Variants in AGBL4 observed in about 807,000 individuals in gnomAD.
AGBL4 encodes the protein cytosolic carboxypeptidase 6.
Under a neutral mutation model 66.4 loss-of-function variants are expected in AGBL4, and 58 were observed. The ratio of observed to expected loss-of-function variants is 0.87; its 90% CI spans 0.71 to 1.09. AGBL4 has a LOEUF of 1.09. Ranked by LOEUF, AGBL4 falls within the 50% of genes least tolerant of loss-of-function variation. The probability of loss-of-function intolerance (pLI) is 0.00; values close to 1 mark genes in which losing one functional copy is unlikely to be tolerated. For missense variants in AGBL4, 579 were observed against 631.0 expected (o/e 0.92, Z 0.88); for synonymous variants, 234 against 222.9 (o/e 1.05, Z -0.44).
At chr1:49,878,615 G>T (rs1464905957) in intron 1 of AGBL4, among the ~76,000 whole-genome samples, 1 of 152,080 alleles carries the variant, frequency 6.6e-6, no homozygotes, top group Non-Finnish European at 1.5e-5. Context: ...GTGGTGTGCT[G>T]CTGAAAAAAA....
intron 2 of AGBL4, among the ~76,000 whole-genome samples, chr1:49,804,413 A>G (rs1644931570): frequency 6.6e-6 from 1 of 152,180 alleles, no homozygotes; most frequent in African/African-American, 2.4e-5. Flanking sequence ...CTCTAAGTAC[A>G]GTATACAATG....
chr1:49,235,894 C>T (rs1196708512), intron 4 of AGBL4, among the ~76,000 whole-genome samples: 1 of 152,004 alleles, frequency 6.6e-6, no homozygotes, highest in Admixed American at 6.6e-5. Flanking sequence ...AGTAGAAGAC[C>T]CAGAGATAAA....
At chr1:49,926,285 G>T (rs1652759879) in intron 1 of AGBL4, among the ~76,000 whole-genome samples, 1 of 152,212 alleles carries the variant, frequency 6.6e-6, no homozygotes, top group Non-Finnish European at 1.5e-5. Flanking sequence ...CACCAAAGTG[G>T]TGCACCTATG....
intron 6 of AGBL4, among the ~76,000 whole-genome samples, chr1:48,671,440 C>G (rs566239441): frequency 6.6e-6 from 1 of 152,308 alleles, no homozygotes; most frequent in South Asian, 2.1e-4. Context: ...AAGATCAAGA[C>G]TTGTGGTTAT....
At chr1:48,728,118 A>G (rs1647467706) in intron 6 of AGBL4, 1 of 1,347,086 alleles carries the variant, frequency 7.4e-7, no homozygotes, top group African/African-American at 1.5e-5. Context: ...GGGTAAAAGA[A>G]AATGTACCTC....
chr1:49,559,146 A>G (rs919500717), intron 3 of AGBL4, among the ~76,000 whole-genome samples: 2 of 152,166 alleles, frequency 1.3e-5, no homozygotes, highest in Non-Finnish European at 1.5e-5. Context: ...CTTCAGGTCT[A>G]ACACAGCACA....
intron 3 of AGBL4, among the ~76,000 whole-genome samples, chr1:49,619,957 T>G (rs147342225): frequency 1.3e-5 from 2 of 152,110 alleles, no homozygotes; most frequent in African/African-American, 4.8e-5. Flanking sequence ...CTACATCTTA[T>G]ACAAAAATTA....
At chr1:49,649,599 A>C (rs1645961382) in intron 3 of AGBL4, among the ~76,000 whole-genome samples, 1 of 152,166 alleles carries the variant, frequency 6.6e-6, no homozygotes, top group Non-Finnish European at 1.5e-5. Context: ...TTTTTAGCTC[A>C]ACAATCAATA....
At chr1:49,410,615 G>C (rs1175642298) in intron 3 of AGBL4, among the ~76,000 whole-genome samples, 6 of 152,120 alleles carry the variant, frequency 3.9e-5, no homozygotes, top group African/African-American at 1.4e-4. Context: ...AACCACAAGA[G>C]GCCTATTAGA....
At chr1:49,033,155 G>T (rs925886438) in intron 5 of AGBL4, among the ~76,000 whole-genome samples, 6 of 152,014 alleles carry the variant, frequency 3.9e-5, no homozygotes, top group African/African-American at 7.2e-5. Flanking sequence ...AATTAAGTTG[G>T]ACTCCTTTTG....
At position 49,115,545 on chromosome 1, in the gene AGBL4, G is replaced by T. The variant is rs1165585966; in HGVS notation, c.378-69745C>A. Among the ~76,000 whole-genome samples the T allele has an allele frequency of 3.3e-5, 5 of 152,028 alleles. No homozygotes were observed. The East Asian group carries it at 9.7e-4, about 29-fold the overall frequency. ...CAAAGCTGTTATCTACTCCAATTTGGTCAATAAATATATACGTGTACATAT... is the reference window on the plus strand; with the variant it reads ...CAAAGCTGTTATCTACTCCAATTTGTTCAATAAATATATACGTGTACATAT... On this transcript the variant is annotated intron_variant, in intron 4 of 13. Coordinates refer to ENST00000371839, the MANE Select transcript of AGBL4 (RefSeq NM_032785.4).
intron 4 of AGBL4, among the ~76,000 whole-genome samples, chr1:49,117,737 T>C (rs1156902406): frequency 6.6e-6 from 1 of 152,120 alleles, no homozygotes; most frequent in South Asian, 2.1e-4. Context: ...TTTAAAGTAG[T>C]TTTTTCCAGT....
chr1:49,518,891 C>T (rs1169438053), intron 3 of AGBL4, among the ~76,000 whole-genome samples: 2 of 152,024 alleles, frequency 1.3e-5, no homozygotes, highest in African/African-American at 4.8e-5. Flanking sequence ...CTTAAAGGCA[C>T]ACATATAAAG....
At chr1:49,356,918 A>T (rs763731653) in intron 3 of AGBL4, among the ~76,000 whole-genome samples, 1 of 152,238 alleles carries the variant, frequency 6.6e-6, no homozygotes, top group Non-Finnish European at 1.5e-5. Context: ...TTGACCTCAA[A>T]GCCACATGTC....
At chr1:49,497,900 T>C (rs1304270127) in intron 3 of AGBL4, among the ~76,000 whole-genome samples, 1 of 152,056 alleles carries the variant, frequency 6.6e-6, no homozygotes. Context: ...GTTTTTTCAA[T>C]TTCTGTGTAA....
chr1:49,457,884 A>T (rs770733024), intron 3 of AGBL4, among the ~76,000 whole-genome samples: 2 of 151,570 alleles, frequency 1.3e-5, no homozygotes, highest in African/African-American at 4.8e-5. Flanking sequence ...ATTTGGTTTT[A>T]TTTCTGGCTT....
intron 5 of AGBL4, among the ~76,000 whole-genome samples, chr1:48,927,933 G>A (rs1198413815): frequency 7.9e-5 from 12 of 152,100 alleles, no homozygotes; most frequent in Admixed American, 7.9e-4. Context: ...CTCACAATGT[G>A]GTTCCACAGT....
At chr1:48,749,665 C>T (rs561794183) in intron 6 of AGBL4, among the ~76,000 whole-genome samples, 1 of 152,294 alleles carries the variant, frequency 6.6e-6, no homozygotes, top group Admixed American at 6.5e-5. Flanking sequence ...AAAAGCCCCA[C>T]AATCATGAGG....
At chr1:49,005,662 T>C (rs923578632) in intron 5 of AGBL4, among the ~76,000 whole-genome samples, 3 of 152,228 alleles carry the variant, frequency 2.0e-5, no homozygotes, top group African/African-American at 7.2e-5. Flanking sequence ...TAGGCATGCA[T>C]GATAGGAAAA....
Sources: gnomAD v4.1 joint callset for allele counts (sites outside exome capture counted in the v4.1 genomes callset) on GRCh38, gnomAD v4.1.1 for gene constraint, MANE v1.5 for transcripts, NCBI Gene and HGNC (gene_info 2026-07-23, HGNC 2026-07-21) for gene names.